LAMA2: variants seen among roughly 807,000 people sequenced by gnomAD.
LAMA2 encodes laminin subunit alpha-2.
A neutral mutation model predicts 364.8 loss-of-function variants in LAMA2; 269 were observed. That is an observed-to-expected ratio of 0.74 (90% CI 0.67 to 0.82). The LOEUF (loss-of-function observed/expected upper bound fraction) is 0.82, where lower values mean the gene tolerates loss of function less well. LAMA2 is among the 40% of genes least tolerant of loss of function. LAMA2 has a pLI of 0.00. For synonymous variants in LAMA2, 1,379 were observed against 1,370.6 expected (o/e 1.01, Z -0.14); for missense variants, 3,807 against 3,873.2 (o/e 0.98, Z 0.45).
rs189107128 is a variant in LAMA2 at position 128,980,509 on chromosome 6, G to T, written c.113-69409G>T. Among the ~76,000 whole-genome samples the T allele has an allele frequency of 4.9e-3, 742 of 152,172 alleles. 4 individuals are homozygous for T. Among genetic ancestry groups the T allele is most frequent in the African/African-American group, 9.1e-3 (379 of 41,522 alleles). On this transcript the variant is annotated intron_variant, in intron 1 of 64. Coordinates refer to ENST00000421865, the MANE Select transcript of LAMA2 (RefSeq NM_000426.4). The stretch of plus-strand genomic sequence containing the variant: ...TGTGTGAAAAATAAATCACTTTTTT[G>T]TGTGTGTGGAACATTTCTCATGGAA...
Position 129,314,847 on chromosome 6 carries a change from C to T in LAMA2, c.3555+49C>T, listed in dbSNP as rs747144447. 1.4e-5 allele frequency: 23 copies of T among 1,601,620 alleles called. No individual in the cohort carries two copies. In the South Asian group the frequency reaches 2.5e-4, roughly 18 times the overall value. ...TGTAATGGTATAATGTTAGTTCCTG[C>T]TGGTGTCTTTTAGTCAGGCACTGAG... On this transcript the variant is annotated intron_variant, in intron 24 of 64. Coordinates refer to ENST00000421865, the MANE Select transcript of LAMA2 (RefSeq NM_000426.4).
intron 3 of LAMA2, among the ~76,000 whole-genome samples, chr6:129,089,180 A>T (rs1774648403): frequency 6.6e-6 from 1 of 152,228 alleles, no homozygotes; most frequent in Admixed American, 6.5e-5. Context: ...AGTGACTCTG[A>T]TCTGTTGAAA....
intron 15 of LAMA2, among the ~76,000 whole-genome samples, chr6:129,265,827 C>T (rs1230804611): frequency 6.6e-6 from 1 of 152,046 alleles, no homozygotes; most frequent in African/African-American, 2.4e-5. Flanking sequence ...AACAAACCTG[C>T]ACGTTCTGCA....
chr6:129,168,557 G>A (rs1779913803), intron 9 of LAMA2, among the ~76,000 whole-genome samples: 1 of 150,068 alleles, frequency 6.7e-6, no homozygotes, highest in African/African-American at 2.4e-5. Context: ...ATGCTGTTTT[G>A]GTTACTGTAG....
intron 30 of LAMA2, among the ~76,000 whole-genome samples, chr6:129,348,874 T>A (rs2494583): frequency 0.81 from 123,246 of 151,702 alleles, 50,163 homozygotes; most frequent in East Asian, 0.93. Flanking sequence ...AGAAAAAAAA[T>A]TTATATAGAT....
chr6:129,220,313 A>C (rs1043486425), intron 12 of LAMA2, among the ~76,000 whole-genome samples: 3 of 152,214 alleles, frequency 2.0e-5, no homozygotes, highest in Non-Finnish European at 2.9e-5. Flanking sequence ...GCAAAAAAAC[A>C]CTAGTGCTTA....
At chr6:129,484,239 C>G (rs144227624) in intron 55 of LAMA2, among the ~76,000 whole-genome samples, 8 of 152,126 alleles carry the variant, frequency 5.3e-5, no homozygotes, top group Non-Finnish European at 8.8e-5. Flanking sequence ...AATGGGATAT[C>G]GAAACCATAC....
At chr6:129,486,359 A>G in intron 55 of LAMA2, 115 bp from the exon 56 acceptor site, 2 of 957,536 alleles carry the variant, frequency 2.1e-6, no homozygotes, top group Non-Finnish European at 3.3e-6. Context: ...ATAAAGTCTT[A>G]ATTTCTCAGG....
chr6:129,331,441 A>G (rs1453012126), intron 29 of LAMA2, among the ~76,000 whole-genome samples: 1 of 151,968 alleles, frequency 6.6e-6, no homozygotes, highest in African/African-American at 2.4e-5. Flanking sequence ...TTGAGAATTT[A>G]GAAGCTGTCA....
intron 37 of LAMA2, among the ~76,000 whole-genome samples, chr6:129,397,312 A>C (rs747212090): frequency 6.6e-6 from 1 of 152,098 alleles, no homozygotes; most frequent in Non-Finnish European, 1.5e-5. Context: ...TAGGTATTTT[A>C]TATGCTACAT....
At chr6:128,897,499 A>G (rs1054197867) in intron 1 of LAMA2, among the ~76,000 whole-genome samples, 1 of 152,226 alleles carries the variant, frequency 6.6e-6, no homozygotes, top group Admixed American at 6.5e-5. Context: ...GTGTTAAACC[A>G]AAAATAATCA....
At chr6:129,409,494 G>A (rs896560071) in intron 40 of LAMA2, among the ~76,000 whole-genome samples, 4 of 152,296 alleles carry the variant, frequency 2.6e-5, no homozygotes, top group African/African-American at 9.6e-5. Context: ...CCAACTTTAT[G>A]GCTAGATGGG....
chr6:129,446,276 T>C (rs1782370287), intron 45 of LAMA2, among the ~76,000 whole-genome samples: 1 of 151,694 alleles, frequency 6.6e-6, no homozygotes, highest in South Asian at 2.1e-4. Context: ...TATTCTTTTG[T>C]CTGGTATAAA....
intron 12 of LAMA2, among the ~76,000 whole-genome samples, chr6:129,231,987 A>G (rs1215094060): frequency 6.6e-6 from 1 of 152,094 alleles, no homozygotes; most frequent in Non-Finnish European, 1.5e-5. Context: ...AGTTCCAAAT[A>G]CCTTTCAAAA....
At chr6:128,950,582 G>A (rs750785937) in intron 1 of LAMA2, among the ~76,000 whole-genome samples, 11 of 152,074 alleles carry the variant, frequency 7.2e-5, no homozygotes, top group Non-Finnish European at 1.6e-4. Context: ...AGTAGCTTAG[G>A]TGGGTTCCAC....
intron 1 of LAMA2, among the ~76,000 whole-genome samples, chr6:128,910,253 C>T (rs1282004228): frequency 6.6e-6 from 1 of 152,230 alleles, no homozygotes; most frequent in Non-Finnish European, 1.5e-5. Flanking sequence ...GTTTCATTCT[C>T]CCCGTCACTT....
intron 32 of LAMA2, among the ~76,000 whole-genome samples, chr6:129,364,026 C>T (rs1777620044): frequency 6.6e-6 from 1 of 152,158 alleles, no homozygotes; most frequent in African/African-American, 2.4e-5. Context: ...CTGCTCTGGC[C>T]TCCAAAGCCT....
intron 9 of LAMA2, among the ~76,000 whole-genome samples, chr6:129,172,484 CTCAGGGG>C (rs1191239206): frequency 6.6e-6 from 1 of 152,240 alleles, no homozygotes; most frequent in Non-Finnish European, 1.5e-5. Context: ...AGTTACGCTG[CTCAGGGG>C]TCAGGGGTCA....
In LAMA2 at chr6:129,098,338, C is replaced by A. The variant is rs1452556288; in HGVS notation, c.562C>A (p.Pro188Thr). 1.2e-6 allele frequency: 2 copies of A among 1,613,916 alleles called. No homozygotes were observed. Among genetic ancestry groups the A allele is most frequent in the South Asian group, 1.1e-5 (1 of 91,086 alleles). Residue 188 changes from proline (P) to threonine (T), a missense_variant, in exon 4 of 65, where the codon CCA becomes ACA. Coordinates refer to ENST00000421865, the MANE Select transcript of LAMA2 (RefSeq NM_000426.4). ...TLYNIYPRTG[P>T]PSYAKDDEVI... ...TTACAATATTTATCCCCGCACTGGG[C>A]CACCGTCATATGCCAAAGATGATGA...
Sources: allele counts gnomAD v4.1 joint callset (sites outside exome capture counted in the v4.1 genomes callset), GRCh38; gene constraint gnomAD v4.1.1; transcripts MANE v1.5; gene names NCBI Gene and HGNC (gene_info 2026-07-23, HGNC 2026-07-21).